RFX8: variants seen among roughly 807,000 people sequenced by gnomAD.
The protein encoded by RFX8 is DNA-binding protein RFX8.
Under a neutral mutation model 54.6 loss-of-function variants are expected in RFX8, and 46 were observed. That is an observed-to-expected ratio of 0.84 (90% CI 0.67 to 1.08). The LOEUF is 1.08. Ranked by LOEUF, RFX8 falls within the 50% of genes least tolerant of loss-of-function variation. The pLI, the probability that RFX8 is intolerant of heterozygous loss-of-function variation, is 0.00. For synonymous variants in RFX8, 192 were observed against 209.5 expected (o/e 0.92, Z 0.72); for missense variants, 536 against 562.3 (o/e 0.95, Z 0.47).
chr2:101,471,354 A>C (rs1689981525), intron 1 of RFX8, among the ~76,000 whole-genome samples: 2 of 152,146 alleles, frequency 1.3e-5, no homozygotes, highest in South Asian at 2.1e-4. Context: ...AACAAACAAA[A>C]AAACAAAGAA....
chr2:101,421,588 T>A (rs1212703547), intron 4 of RFX8, 136 bp downstream of exon 4: 1 of 1,427,054 alleles, frequency 7.0e-7, no homozygotes, highest in East Asian at 2.6e-5. Flanking sequence ...ACATAGCATG[T>A]AAGCACTTCA....
intron 2 of RFX8, among the ~76,000 whole-genome samples, chr2:101,441,160 C>CG (rs1285955440): frequency 6.6e-6 from 1 of 152,088 alleles, no homozygotes; most frequent in Admixed American, 6.6e-5. Context: ...TTAGTACAGA[C>CG]GGGGTTTCAC....
intron 2 of RFX8, chr2:101,452,353 C>T (rs1302674284): frequency 2.4e-6 from 3 of 1,240,832 alleles, no homozygotes; most frequent in East Asian, 3.0e-5. Flanking sequence ...TTGTTTTTAA[C>T]ATTTGAAATA....
At chr2:101,457,500 C>T (rs2148981995) in intron 2 of RFX8, among the ~76,000 whole-genome samples, 1 of 152,266 alleles carries the variant, frequency 6.6e-6, no homozygotes, top group South Asian at 2.1e-4. Context: ...TGTTCAGTTT[C>T]CATGTAGCTG....
chr2:101,460,533 C>T (rs1385307138), intron 2 of RFX8, among the ~76,000 whole-genome samples: 1 of 151,984 alleles, frequency 6.6e-6, no homozygotes, highest in South Asian at 2.1e-4. Context: ...GTCTAGTTTC[C>T]GAATCAGCGA....
At chr2:101,404,021 T>G (rs996346687) in intron 10 of RFX8, among the ~76,000 whole-genome samples, 5 of 152,192 alleles carry the variant, frequency 3.3e-5, no homozygotes, top group African/African-American at 1.2e-4. Flanking sequence ...TAGCTTGTAT[T>G]TCTGTGGATG....
chr2:101,424,741 T>A (rs1687077749), intron 2 of RFX8, among the ~76,000 whole-genome samples: 1 of 152,112 alleles, frequency 6.6e-6, no homozygotes, highest in South Asian at 2.1e-4. Context: ...CTGGGAACCA[T>A]CATTCTGAGC....
intron 7 of RFX8, among the ~76,000 whole-genome samples, chr2:101,414,455 A>G (rs1686362824): frequency 8.1e-6 from 1 of 123,772 alleles, no homozygotes; most frequent in Admixed American, 8.0e-5. Flanking sequence ...TTTTTTTTTG[A>G]TAGAGACAGG....
intron 1 of RFX8, among the ~76,000 whole-genome samples, chr2:101,468,530 T>C (rs1402431147): frequency 1.3e-5 from 2 of 152,060 alleles, no homozygotes; most frequent in Admixed American, 1.3e-4. Context: ...GCTCGAGCGC[T>C]CCACCCACCT....
chr2:101,401,785 G>T (rs1008302018), intron 11 of RFX8, among the ~76,000 whole-genome samples: 1 of 152,168 alleles, frequency 6.6e-6, no homozygotes, highest in Non-Finnish European at 1.5e-5. Flanking sequence ...TGTAGGTGAA[G>T]AATGGACTTG....
chr2:101,451,088 GA>G (rs11366619), intron 2 of RFX8, among the ~76,000 whole-genome samples: 52,288 of 151,724 alleles, frequency 0.34, 9,682 homozygotes, highest in African/African-American at 0.44. Flanking sequence ...AGAAACCCAG[GA>G]GGGAAGCCAA....
At chr2:101,428,990 G>A (rs527925008) in intron 2 of RFX8, 1 of 1,533,812 alleles carries the variant, frequency 6.5e-7, no homozygotes, top group African/African-American at 1.4e-5. Flanking sequence ...GTTATAATTA[G>A]TAGATTTTTC....
chr2:101,457,017 C>T (rs772568243), intron 2 of RFX8, among the ~76,000 whole-genome samples: 16 of 152,078 alleles, frequency 1.1e-4, no homozygotes, highest in Non-Finnish European at 1.5e-4. Context: ...TATTCTCTGA[C>T]GGTAGTTTGT....
At chr2:101,472,155 G>T (rs932592780) in intron 1 of RFX8, among the ~76,000 whole-genome samples, 2 of 152,174 alleles carry the variant, frequency 1.3e-5, no homozygotes, top group South Asian at 2.1e-4. Flanking sequence ...CGCTGAAGCA[G>T]AGTGGCGCAA....
intron 2 of RFX8, chr2:101,452,290 T>C (rs1688727969): frequency 3.1e-6 from 2 of 654,748 alleles, no homozygotes; most frequent in East Asian, 3.2e-5. Context: ...TTGTTATTTA[T>C]AGTTTGTTTT....
intron 1 of RFX8, among the ~76,000 whole-genome samples, chr2:101,473,705 G>C (rs1690136953): frequency 6.6e-6 from 1 of 152,198 alleles, no homozygotes. Flanking sequence ...CCCAAGGGCT[G>C]AGGATATTTT....
rs1226757725 is a variant in RFX8 at position 101,422,470 on chromosome 2, A to G, written c.75T>C (p.Cys25=). 6.5e-7 allele frequency: 1 copy of G among 1,529,234 alleles called. No individual in the cohort carries two copies. The allele number at this position is 1,529,234 out of a possible 1,614,324, so 94.7% of individuals were successfully genotyped here. A position where few individuals can be genotyped will look rare whatever the true frequency, so the allele number is the denominator to read the frequency against. ...CTGTCTTCATCGGTGAATGATCTTC[A>G]CACTAAAAATCATTTGTGCAATGGA... ...NQVNPATFGK[C]EDHSPMKTDP... The change falls in exon 3 of 12, where the codon TGT becomes TGC. Residue 25 remains cysteine, a splice_region_variant and synonymous_variant. Transcript: ENST00000428343.
In RFX8 at chr2:101,397,389, C is replaced by T. The variant is rs564384348; in HGVS notation, c.*159G>A. 4.8e-5 allele frequency: 21 copies of T among 436,366 alleles called. No homozygotes were observed. The highest frequency in any genetic ancestry group is 2.7e-4 in the African/African-American group (13 of 49,034). 27.0% of individuals were successfully genotyped at this position (436,366 alleles called of 1,614,324 possible). On this transcript the variant is annotated 3_prime_UTR_variant, in exon 12 of 12. Coordinates refer to ENST00000428343, the MANE Select transcript of RFX8 (RefSeq NM_001145664.2). ...CTCCAAATCAGTTTACATATTTTAT[C>T]GAAACCACCTCCTTGAAATACATAT...
intron 2 of RFX8, among the ~76,000 whole-genome samples, chr2:101,457,351 T>A (rs1022150030): frequency 6.6e-6 from 1 of 152,240 alleles, no homozygotes; most frequent in African/African-American, 2.4e-5. Context: ...TTTAGTGCTA[T>A]AAATTTCCCT....
Sources: allele counts gnomAD v4.1 joint callset (sites outside exome capture counted in the v4.1 genomes callset), GRCh38; gene constraint gnomAD v4.1.1; transcripts MANE v1.5; gene names NCBI Gene and HGNC (gene_info 2026-07-23, HGNC 2026-07-21).